The following MSI2 variants were observed in gnomAD, a reference collection of about 807,000 sequenced individuals.
MSI2 encodes RNA-binding protein Musashi homolog 2.
MSI2 carries 17 observed loss-of-function variants against 45.6 expected under a neutral mutation model. That is an observed-to-expected ratio of 0.37 (90% CI 0.26 to 0.56). The LOEUF (loss-of-function observed/expected upper bound fraction) is 0.56, where lower values mean the gene tolerates loss of function less well. Among genes scored for constraint, MSI2 ranks in the 20% least tolerant of loss-of-function variants. The pLI, the probability that MSI2 is intolerant of heterozygous loss-of-function variation, is 0.77. For synonymous variants in MSI2, 156 were observed against 158.2 expected (o/e 0.99, Z 0.11); for missense variants, 293 against 444.2 (o/e 0.66, Z 3.06).
At chr17:57,535,502 G>A (rs970391263) in intron 7 of MSI2, among the ~76,000 whole-genome samples, 2 of 152,252 alleles carry the variant, frequency 1.3e-5, no homozygotes. Flanking sequence ...CAGGAGACAC[G>A]GGGAGAGAAA....
At position 57,648,131 on chromosome 17, in the gene MSI2, TCG is replaced by T. The variant is rs1910829142; in HGVS notation, c.728-3967_728-3966del. Among the ~76,000 whole-genome samples, 4 of 111,370 alleles carry T rather than the reference TCG, an allele frequency of 3.6e-5. No individual in the cohort carries two copies. In the South Asian group the frequency reaches 1.3e-3, roughly 36 times the overall value. The allele number at this position is 111,370 out of a possible 152,430, so 73.1% of individuals were successfully genotyped here. ...GCATGCACCACCATGCCTGGCTAAT[TCG>T]TGTGTGTGTGTGTGTGTGTGTGTGT... On this transcript the variant is annotated intron_variant, in intron 10 of 13. Coordinates refer to ENST00000284073, the MANE Select transcript of MSI2 (RefSeq NM_138962.4).
chr17:57,371,623 G>A (rs909274266), intron 5 of MSI2, among the ~76,000 whole-genome samples: 1 of 151,312 alleles, frequency 6.6e-6, no homozygotes, highest in African/African-American at 2.4e-5. Flanking sequence ...CTCATTCACT[G>A]TTTTTATGTT....
rs2087330719 is a variant in MSI2, at chr17:57,552,490, C to T, written c.454+22766C>T. 6.6e-6 allele frequency among the ~76,000 whole-genome samples: 1 copy of T among 152,294 alleles called. No homozygotes were observed. Among genetic ancestry groups the T allele is most frequent in the African/African-American group, 2.4e-5 (1 of 41,570 alleles). On this transcript the variant is annotated intron_variant, in intron 7 of 13. Coordinates refer to ENST00000284073, the MANE Select transcript of MSI2 (RefSeq NM_138962.4). The surrounding 1 kb of genome is among the most constrained non-coding windows in gnomAD (Gnocchi z 4.3). ...AGTAGCAGGGCCAGACGCTAGGTGTCGCCGTCCTGGACCTGCCTCCATCCC... is the reference window on the plus strand; with the variant it reads ...AGTAGCAGGGCCAGACGCTAGGTGTTGCCGTCCTGGACCTGCCTCCATCCC...
intron 7 of MSI2, among the ~76,000 whole-genome samples, chr17:57,575,029 A>C (rs1487422715): frequency 6.6e-6 from 1 of 151,680 alleles, no homozygotes; most frequent in Non-Finnish European, 1.5e-5. Flanking sequence ...ATGGGGTTTC[A>C]CTGTGTTAGC....
At chr17:57,400,088 C>T (rs2083962334) in intron 5 of MSI2, among the ~76,000 whole-genome samples, 2 of 152,234 alleles carry the variant, frequency 1.3e-5, no homozygotes, top group South Asian at 2.1e-4. Flanking sequence ...ACAAACTGGT[C>T]AGACCCTCAC....
chr17:57,427,580 G>A (rs8069761), intron 6 of MSI2, among the ~76,000 whole-genome samples: 35,279 of 151,922 alleles, frequency 0.23, 4,241 homozygotes, highest in Non-Finnish European at 0.24. Context: ...TGGTCCTAAG[G>A]CTGAAATGAG....
chr17:57,624,074 G>T (rs990640314), intron 9 of MSI2, among the ~76,000 whole-genome samples: 1 of 152,164 alleles, frequency 6.6e-6, no homozygotes, highest in Non-Finnish European at 1.5e-5. Context: ...CTTCTTTCTC[G>T]TTGAAGCCTT....
intron 5 of MSI2, among the ~76,000 whole-genome samples, chr17:57,356,005 CTGGGATTACAG>C: frequency 6.6e-6 from 1 of 152,322 alleles, no homozygotes; most frequent in African/African-American, 2.4e-5. Context: ...TCCCAAGTAA[CTGGGATTACAG>C]GCACCCACCC....
At chr17:57,261,032 T>A (rs1446610970) in intron 4 of MSI2, among the ~76,000 whole-genome samples, 1 of 152,216 alleles carries the variant, frequency 6.6e-6, no homozygotes, top group Admixed American at 6.5e-5. Context: ...TGGTAGCATG[T>A]TTATACTATC....
intron 6 of MSI2, chr17:57,522,756 C>T (rs2086618227): frequency 6.6e-6 from 1 of 152,222 alleles, no homozygotes; most frequent in Non-Finnish European, 1.5e-5. Context: ...GGATTAGAAC[C>T]TGGACTCCCT....
At position 57,533,968 on chromosome 17, in the gene MSI2, T is replaced by C. The variant is rs139374226; in HGVS notation, c.454+4244T>C. On this transcript the variant is annotated intron_variant, in intron 7 of 13. Coordinates refer to ENST00000284073, the MANE Select transcript of MSI2 (RefSeq NM_138962.4). Reference sequence around the variant, plus strand: ...CTAAGCATCCTGACACAGCACCCACTGTGATGGTGTGTGGAGTTCTGTTGC... The same window carrying C: ...CTAAGCATCCTGACACAGCACCCACCGTGATGGTGTGTGGAGTTCTGTTGC... Among the ~76,000 whole-genome samples the C allele has an allele frequency of 4.0e-3, 607 of 152,358 alleles. 7 individuals carry two copies. Among genetic ancestry groups the C allele is most frequent in the Middle Eastern group, 3.4e-3 (1 of 294 alleles).
intron 7 of MSI2, among the ~76,000 whole-genome samples, chr17:57,580,975 T>TC (rs1162918754): frequency 1.4e-5 from 2 of 140,802 alleles, no homozygotes; most frequent in East Asian, 4.5e-4. Context: ...TCTCATTTAA[T>TC]CCCCATGCCA....
At chr17:57,293,593 T>TTG (rs1555573444) in intron 5 of MSI2, among the ~76,000 whole-genome samples, 14,755 of 82,630 alleles carry the variant, frequency 0.18, 932 homozygotes, top group Non-Finnish European at 0.24. Flanking sequence ...TATTGTTTTT[T>TTG]TGTTTTTTTT....
At chr17:57,473,645 T>C (rs1256893706) in intron 6 of MSI2, among the ~76,000 whole-genome samples, 1 of 152,210 alleles carries the variant, frequency 6.6e-6, no homozygotes, top group Non-Finnish European at 1.5e-5. Flanking sequence ...TGCACTGGCC[T>C]CTCTTCCGGA....
chr17:57,608,613 G>A (rs971504358), intron 8 of MSI2, among the ~76,000 whole-genome samples: 3 of 152,240 alleles, frequency 2.0e-5, no homozygotes, highest in Admixed American at 1.3e-4. Flanking sequence ...GGCCCCCCAC[G>A]CTGGTCTAAT....
In MSI2 at chr17:57,596,988, C is replaced by CT; in HGVS notation, c.537+41dup. On this transcript the variant is annotated intron_variant, in intron 8 of 13. Coordinates refer to ENST00000284073, the MANE Select transcript of MSI2 (RefSeq NM_138962.4). The surrounding 1 kb of genome is among the most constrained non-coding windows in gnomAD (Gnocchi z 4.6). The stretch of plus-strand genomic sequence containing the variant: ...GGGTTGCGCTGAAATGGAATGCCCC[C>CT]TTTCTCTACGTACACACCCAGTCTT... The CT allele has an allele frequency of 2.8e-6, 4 of 1,440,284 alleles. No individual in the cohort carries two copies. Among genetic ancestry groups the CT allele is most frequent in the Admixed American group, 1.7e-5 (1 of 59,790 alleles). The allele number at this position is 1,440,284 out of a possible 1,614,324, so 89.2% of individuals were successfully genotyped here.
intron 6 of MSI2, among the ~76,000 whole-genome samples, chr17:57,509,700 C>T (rs1322592344): frequency 2.6e-5 from 4 of 152,144 alleles, no homozygotes; most frequent in African/African-American, 9.7e-5. Flanking sequence ...GGATTACAGG[C>T]GTGAGCCACC....
intron 5 of MSI2, among the ~76,000 whole-genome samples, chr17:57,335,281 A>G (rs1337854746): frequency 6.6e-6 from 1 of 152,202 alleles, no homozygotes; most frequent in Non-Finnish European, 1.5e-5. Flanking sequence ...GATGTGCTAG[A>G]ATCTTAGACC....
chr17:57,361,840 G>T (rs749866471), intron 5 of MSI2, among the ~76,000 whole-genome samples: 2 of 152,286 alleles, frequency 1.3e-5, no homozygotes, highest in Non-Finnish European at 1.5e-5. Context: ...TTGACTGTAC[G>T]TTCTGAGCCC....
Sources: allele counts gnomAD v4.1 joint callset (sites outside exome capture counted in the v4.1 genomes callset), GRCh38; gene constraint gnomAD v4.1.1; non-coding constraint Gnocchi (gnomAD v3.1); transcripts MANE v1.5; gene names NCBI Gene and HGNC (gene_info 2026-07-23, HGNC 2026-07-21).